Variants in KPNA1 observed in about 807,000 individuals in gnomAD.
KPNA1 encodes karyopherin subunit alpha 1.
In KPNA1, 10 loss-of-function variants were observed where a neutral mutation model predicts 70.5. The ratio of observed to expected loss-of-function variants is 0.14; its 90% CI spans 0.09 to 0.24. The LOEUF (loss-of-function observed/expected upper bound fraction) is 0.24. KPNA1 is among the 10% of genes least tolerant of loss of function. The pLI is 1.00. For missense variants in KPNA1, 397 were observed against 637.9 expected (o/e 0.62, Z 4.07); for synonymous variants, 192 against 221.9 (o/e 0.87, Z 1.20).
At chr3:122,474,959 C>T (rs2076481250) in intron 2 of KPNA1, among the ~76,000 whole-genome samples, 1 of 152,134 alleles carries the variant, frequency 6.6e-6, no homozygotes, top group African/African-American at 2.4e-5. Context: ...GACAAGGATG[C>T]CCACTCTTGC....
chr3:122,431,895 C>G (rs749491430), intron 12 of KPNA1, among the ~76,000 whole-genome samples: 14 of 151,912 alleles, frequency 9.2e-5, no homozygotes, highest in Non-Finnish European at 1.6e-4. Flanking sequence ...CCTCTGCCTC[C>G]CGGGTTCAAG....
At chr3:122,490,668 A>G (rs370316924) in intron 2 of KPNA1, among the ~76,000 whole-genome samples, 15 of 152,104 alleles carry the variant, frequency 9.9e-5, no homozygotes, top group African/African-American at 3.6e-4. Context: ...TTTGCAAGGA[A>G]CCTGGTTCCT....
intron 12 of KPNA1, among the ~76,000 whole-genome samples, chr3:122,428,454 G>T (rs773229491): frequency 3.3e-5 from 5 of 151,964 alleles, no homozygotes; most frequent in Admixed American, 1.3e-4. Context: ...TTTTGTGTGG[G>T]GGAGGAAGAA....
At chr3:122,438,627 C>A (rs2076021626) in intron 10 of KPNA1, among the ~76,000 whole-genome samples, 1 of 152,008 alleles carries the variant, frequency 6.6e-6, no homozygotes, top group Non-Finnish European at 1.5e-5. Context: ...CTCATGTGAT[C>A]CACCTACCTC....
intron 1 of KPNA1, among the ~76,000 whole-genome samples, chr3:122,499,331 A>C (rs1301812982): frequency 2.0e-5 from 3 of 152,214 alleles, no homozygotes; most frequent in African/African-American, 7.2e-5. Context: ...CTGTAAAGGC[A>C]CTTTTATCGG....
At chr3:122,496,141 A>T (rs1316504251) in intron 2 of KPNA1, among the ~76,000 whole-genome samples, 2 of 152,240 alleles carry the variant, frequency 1.3e-5, no homozygotes, top group African/African-American at 4.8e-5. Flanking sequence ...CTTAAAGAAG[A>T]AAGTTGCACC....
Position 122,426,019 on chromosome 3 carries a change from CCA to C in KPNA1, c.*964_*965del, listed in dbSNP as rs1204118906. 6.6e-6 allele frequency: 1 copy of C among 152,522 alleles called. No homozygotes were observed. 9.4% of individuals were successfully genotyped at this position (152,522 alleles called of 1,614,324 possible). A position where few individuals can be genotyped will look rare whatever the true frequency, so the allele number is the denominator to read the frequency against. On this transcript the variant is annotated 3_prime_UTR_variant, in exon 14 of 14. Coordinates refer to ENST00000344337, the MANE Select transcript of KPNA1 (RefSeq NM_002264.4). ...TTTTTAATGAGGACCTTGATCAGGA[CCA>C]CAAAGCCTGAAACATTTATTTTAAT...
chr3:122,507,215 C>A (rs571594234), intron 1 of KPNA1, among the ~76,000 whole-genome samples: 3 of 152,060 alleles, frequency 2.0e-5, no homozygotes, highest in Non-Finnish European at 2.9e-5. Context: ...CCAAGGCGGG[C>A]GGATCACCAG....
At position 122,427,727 on chromosome 3, in the gene KPNA1, A is replaced by G. The variant is rs1203828654; in HGVS notation, c.1251-11T>C. On this transcript the variant is annotated splice_polypyrimidine_tract_variant and intron_variant, in intron 12 of 13. Transcript: ENST00000344337. ...AGTTCTACTAGGTACCTAAATACAA[A>G]GAATAATGTAGTCAAACAAAACTTT... 3.3e-6 allele frequency: 5 copies of G among 1,508,712 alleles called. No individual in the cohort carries two copies. Among genetic ancestry groups the G allele is most frequent in the African/African-American group, 1.4e-5 (1 of 71,582 alleles). 93.5% of individuals were successfully genotyped at this position (1,508,712 alleles called of 1,614,324 possible).
At chr3:122,441,301 G>C (rs1413252946) in intron 10 of KPNA1, among the ~76,000 whole-genome samples, 5 of 152,178 alleles carry the variant, frequency 3.3e-5, no homozygotes, top group Non-Finnish European at 5.9e-5. Context: ...TCTTGATACA[G>C]AAGTTGAATA....
chr3:122,501,498 T>C (rs940619384), intron 1 of KPNA1, among the ~76,000 whole-genome samples: 6 of 152,242 alleles, frequency 3.9e-5, no homozygotes, highest in Admixed American at 2.6e-4. Flanking sequence ...GTATGTTCTT[T>C]AACTTACACA....
chr3:122,458,683 G>C (rs992226118), intron 5 of KPNA1, among the ~76,000 whole-genome samples: 3 of 152,154 alleles, frequency 2.0e-5, no homozygotes, highest in African/African-American at 7.2e-5. Context: ...AGAGTATCAG[G>C]GATAGCTTAC....
intron 2 of KPNA1, among the ~76,000 whole-genome samples, chr3:122,487,869 T>C (rs2076648192): frequency 1.3e-5 from 2 of 152,180 alleles, no homozygotes; most frequent in African/African-American, 2.4e-5. Context: ...TACTGAACTG[T>C]ACACTTAAAA....
chr3:122,432,731 G>A (rs1308646212), intron 12 of KPNA1: 1 of 151,594 alleles, frequency 6.6e-6, no homozygotes, highest in Non-Finnish European at 1.5e-5. Flanking sequence ...ATTATATGAT[G>A]CTCCTTTGAA....
In KPNA1 at chr3:122,422,747, G is replaced by T. The variant is rs2075776658; in HGVS notation, c.*4238C>A. 1 of 152,160 alleles carries T rather than the reference G, an allele frequency of 6.6e-6. No individual in the cohort carries two copies. Among genetic ancestry groups the T allele is most frequent in the Non-Finnish European group, 1.5e-5 (1 of 68,030 alleles). 9.4% of individuals were successfully genotyped at this position (152,160 alleles called of 1,614,324 possible). A position where few individuals can be genotyped will look rare whatever the true frequency, so the allele number is the denominator to read the frequency against. ...CTATAATATAGTGACAATTATCAAA[G>T]AACATTTGGAAGACTACATGAGAAA... is the stretch of plus-strand genomic sequence containing the variant. On this transcript the variant is annotated 3_prime_UTR_variant, in exon 14 of 14. Coordinates refer to ENST00000344337, the MANE Select transcript of KPNA1 (RefSeq NM_002264.4).
At chr3:122,492,429 C>T (rs946440006) in intron 2 of KPNA1, among the ~76,000 whole-genome samples, 1 of 151,780 alleles carries the variant, frequency 6.6e-6, no homozygotes, top group African/African-American at 2.4e-5. Context: ...ATGAAAGCCA[C>T]AAATGAAATT....
intron 2 of KPNA1, 104 bp from the exon 3 acceptor site, chr3:122,467,533 C>G: frequency 6.5e-6 from 4 of 612,068 alleles, no homozygotes; most frequent in Non-Finnish European, 1.1e-5. Context: ...CTTTGAAAAT[C>G]ATTTTTAAAA....
chr3:122,463,912 A>G, intron 4 of KPNA1, 30 bp downstream of exon 4: 1 of 1,282,552 alleles, frequency 7.8e-7, no homozygotes, highest in Admixed American at 2.0e-5. Flanking sequence ...AGAGAGATGA[A>G]AAAATATACT....
intron 9 of KPNA1, 31 bp from the exon 10 acceptor site, chr3:122,442,147 A>G: frequency 1.3e-6 from 2 of 1,518,676 alleles, no homozygotes; most frequent in Non-Finnish European, 1.8e-6. Context: ...GTTATAGCAA[A>G]CAGTTCTATC....
Sources: allele counts gnomAD v4.1 joint callset (sites outside exome capture counted in the v4.1 genomes callset), GRCh38; gene constraint gnomAD v4.1.1; transcripts MANE v1.5; gene names NCBI Gene and HGNC (gene_info 2026-07-23, HGNC 2026-07-21).